RBFOX1: variants seen among roughly 807,000 people sequenced by gnomAD.
The protein encoded by RBFOX1 is RNA binding protein fox-1 homolog 1.
Under a neutral mutation model 57.7 loss-of-function variants are expected in RBFOX1, and 8 were observed. The ratio of observed to expected loss-of-function variants is 0.14; its 90% CI spans 0.08 to 0.25. The LOEUF is 0.25. RBFOX1 is among the 10% of genes least tolerant of loss of function. RBFOX1 has a pLI of 1.00. For missense variants in RBFOX1, 611 were observed against 548.5 expected (o/e 1.11, Z -1.14); for synonymous variants, 326 against 222.4 (o/e 1.47, Z -4.15).
intron 1 of RBFOX1, chr16:5,260,711 C>T (rs977106916): frequency 8.5e-5 from 13 of 152,228 alleles, no homozygotes; most frequent in African/African-American, 2.4e-4. Context: ...CCGACATTGG[C>T]CTTTGCAGTC....
intron 2 of RBFOX1, among the ~76,000 whole-genome samples, chr16:6,649,796 A>G: frequency 6.6e-6 from 1 of 152,284 alleles, no homozygotes; most frequent in East Asian, 1.9e-4. Flanking sequence ...TATATATGTA[A>G]GTATATGCAT....
At chr16:5,328,985 T>C (rs529180647) in intron 1 of RBFOX1, among the ~76,000 whole-genome samples, 35 of 152,226 alleles carry the variant, frequency 2.3e-4, no homozygotes, top group Admixed American at 7.9e-4. Flanking sequence ...ATCTGTCTCT[T>C]GGTCTAAGCT....
At chr16:6,192,815 G>A (rs747630259) in intron 1 of RBFOX1, among the ~76,000 whole-genome samples, 14 of 152,058 alleles carry the variant, frequency 9.2e-5, no homozygotes, top group South Asian at 6.2e-4. Flanking sequence ...AAAGATTTCC[G>A]TAAACATTGT....
intron 3 of RBFOX1, among the ~76,000 whole-genome samples, chr16:7,006,186 CTGTT>C (rs2093283597): frequency 6.6e-6 from 1 of 151,996 alleles, no homozygotes; most frequent in Non-Finnish European, 1.5e-5. Flanking sequence ...GAGTCTCACT[CTGTT>C]TGTTGCCAGG....
intron 1 of RBFOX1, among the ~76,000 whole-genome samples, chr16:5,263,135 A>G (rs1319384483): frequency 6.6e-6 from 1 of 152,138 alleles, no homozygotes; most frequent in Non-Finnish European, 1.5e-5. Context: ...GGCTTCTGCT[A>G]TTCTAGCCGA....
chr16:6,244,249 A>T (rs1372310387), intron 1 of RBFOX1, among the ~76,000 whole-genome samples: 1 of 151,860 alleles, frequency 6.6e-6, no homozygotes, highest in Admixed American at 6.6e-5. Flanking sequence ...CAAAAATGTT[A>T]GTGGCATGCC....
At chr16:5,562,159 G>T (rs893207984) in intron 2 of RBFOX1, among the ~76,000 whole-genome samples, 1 of 152,098 alleles carries the variant, frequency 6.6e-6, no homozygotes, top group South Asian at 2.1e-4. Flanking sequence ...CATCATTCAG[G>T]AAAAAGAAAG....
At chr16:6,606,757 T>C (rs1282942839) in intron 2 of RBFOX1, among the ~76,000 whole-genome samples, 2 of 152,210 alleles carry the variant, frequency 1.3e-5, no homozygotes, top group South Asian at 2.1e-4. Context: ...TGGTCTATCA[T>C]TGATGGGCAT....
chr16:7,105,225 T>G (rs1212776043), intron 4 of RBFOX1, among the ~76,000 whole-genome samples: 1 of 152,006 alleles, frequency 6.6e-6, no homozygotes, highest in Admixed American at 6.6e-5. Flanking sequence ...TGGCCAGGTC[T>G]GGGTCACATG....
chr16:6,050,482 A>G (rs1308913182), intron 1 of RBFOX1, among the ~76,000 whole-genome samples: 1 of 152,040 alleles, frequency 6.6e-6, no homozygotes, highest in Non-Finnish European at 1.5e-5. Flanking sequence ...TGCAAGTTCC[A>G]TTTCTTTGGT....
rs112310180 is a variant in RBFOX1, at chr16:5,379,555, G to A, written c.220-87661G>A. Among the ~76,000 whole-genome samples, 211 of 152,320 alleles carry A rather than the reference G, an allele frequency of 1.4e-3. 3 individuals carry two copies. Among genetic ancestry groups the A allele is most frequent in the African/African-American group, 4.7e-3 (197 of 41,568 alleles). On this transcript the variant is annotated intron_variant, in intron 1 of 2. Transcript: ENST00000585867. Reference sequence around the variant, plus strand: ...AAGCACAGTAGCCTGGGAGTCAGGTGTCAGGGGACTAGAGCCCTTCACTGG... The same window carrying A: ...AAGCACAGTAGCCTGGGAGTCAGGTATCAGGGGACTAGAGCCCTTCACTGG...
At chr16:7,533,061 T>G (rs2080526907) in intron 5 of RBFOX1, among the ~76,000 whole-genome samples, 1 of 152,236 alleles carries the variant, frequency 6.6e-6, no homozygotes, top group African/African-American at 2.4e-5. Flanking sequence ...GTTGGGGATG[T>G]GTCATCCGTC....
intron 5 of RBFOX1, among the ~76,000 whole-genome samples, chr16:7,558,509 A>G (rs1237183151): frequency 6.6e-6 from 1 of 152,104 alleles, no homozygotes; most frequent in Non-Finnish European, 1.5e-5. Context: ...GTATATGTAT[A>G]TACATATACA....
chr16:6,876,776 C>T (rs557057303), intron 3 of RBFOX1, among the ~76,000 whole-genome samples: 1 of 152,160 alleles, frequency 6.6e-6, no homozygotes, highest in South Asian at 2.1e-4. Context: ...TTTATATTTG[C>T]ATTACAAGAA....
intron 2 of RBFOX1, among the ~76,000 whole-genome samples, chr16:6,385,510 C>G (rs1300871549): frequency 6.6e-6 from 1 of 152,220 alleles, no homozygotes; most frequent in East Asian, 1.9e-4. Context: ...CAGGCATGCA[C>G]CACCACACCC....
intron 11 of RBFOX1, among the ~76,000 whole-genome samples, chr16:7,643,998 G>T (rs944991177): frequency 1.3e-5 from 2 of 152,152 alleles, no homozygotes; most frequent in Admixed American, 6.6e-5. Flanking sequence ...TCTCAGATGT[G>T]GTATGGATAT....
chr16:5,914,547 C>T (rs1240786378), intron 4 of RBFOX1, among the ~76,000 whole-genome samples: 1 of 152,074 alleles, frequency 6.6e-6, no homozygotes, highest in Non-Finnish European at 1.5e-5. Context: ...CTGTAGACTG[C>T]TTGAGTGCCC....
At chr16:5,776,214 A>G (rs908220514) in intron 3 of RBFOX1, among the ~76,000 whole-genome samples, 4 of 152,250 alleles carry the variant, frequency 2.6e-5, no homozygotes, top group Non-Finnish European at 5.9e-5. Context: ...GTTTTATCAT[A>G]AATATTTCCG....
intron 3 of RBFOX1, among the ~76,000 whole-genome samples, chr16:6,891,574 C>G (rs1018742493): frequency 6.6e-6 from 1 of 152,128 alleles, no homozygotes; most frequent in Non-Finnish European, 1.5e-5. Flanking sequence ...TTCCAGTGCT[C>G]CAGGCATAGC....
Sources: gnomAD v4.1 joint callset for allele counts (sites outside exome capture counted in the v4.1 genomes callset) on GRCh38, gnomAD v4.1.1 for gene constraint, MANE v1.5 for transcripts, NCBI Gene and HGNC (gene_info 2026-07-23, HGNC 2026-07-21) for gene names.